The following LTBP1 variants were observed in gnomAD, a reference collection of about 807,000 sequenced individuals.
The protein encoded by LTBP1 is latent-transforming growth factor beta-binding protein 1.
LTBP1 carries 129 observed loss-of-function variants against 207.6 expected under a neutral mutation model. The ratio of observed to expected loss-of-function variants is 0.62; its 90% CI spans 0.54 to 0.72. The LOEUF (loss-of-function observed/expected upper bound fraction) is 0.72. Ranked by LOEUF, LTBP1 falls within the 30% of genes least tolerant of loss-of-function variation. LTBP1 has a pLI of 0.00. For missense variants in LTBP1, 2,281 were observed against 2,217.2 expected (o/e 1.03, Z -0.58); for synonymous variants, 963 against 833.7 (o/e 1.16, Z -2.67).
Position 33,367,418 on chromosome 2 carries a change from T to G in LTBP1, c.4711+1915T>G, listed in dbSNP as rs562704060. The stretch of plus-strand genomic sequence containing the variant: ...CTTACCTGCAAGTATTCCATAGTGG[T>G]AAATAAAGTCTGTGTTTTTTGTGTA... On this transcript the variant is annotated intron_variant, in intron 31 of 33. Transcript: ENST00000404816. 1.3e-4 allele frequency among the ~76,000 whole-genome samples: 20 copies of G among 152,258 alleles called. No individual in the cohort carries two copies. The East Asian group carries it at 1.9e-3, about 15-fold the overall frequency.
chr2:33,393,339 C>T (rs180867082), intron 32 of LTBP1, among the ~76,000 whole-genome samples: 100 of 146,378 alleles, frequency 6.8e-4, no homozygotes, highest in African/African-American at 2.4e-3. Flanking sequence ...ATGTGCACAA[C>T]GTGCAGTTTT....
rs1351758528 is a variant in LTBP1, at chr2:33,134,474, T to G, written c.1034-319T>G. On this transcript the variant is annotated intron_variant, in intron 4 of 33. Coordinates refer to ENST00000404816, the MANE Select transcript of LTBP1 (RefSeq NM_206943.4). The surrounding 1 kb of genome is among the most constrained non-coding windows in gnomAD (Gnocchi z 4.4). The stretch of plus-strand genomic sequence containing the variant: ...TCTGTCGTGCCCTCGGTATTGCTCT[T>G]TGTCTGCCCGTGAATAAAGTGCAGC... 1 of 1,150,606 alleles carries G rather than the reference T, an allele frequency of 8.7e-7. No individual in the cohort carries two copies. Among genetic ancestry groups the G allele is most frequent in the East Asian group, 3.6e-5 (1 of 27,810 alleles). The allele number at this position is 1,150,606 out of a possible 1,614,324, so 71.3% of individuals were successfully genotyped here.
intron 3 of LTBP1, chr2:33,056,282 TC>T: frequency 1.6e-6 from 1 of 628,068 alleles, no homozygotes; most frequent in Non-Finnish European, 2.5e-6. Flanking sequence ...CCTGAGTGTT[TC>T]CCATCTGAAA....
At chr2:33,261,971 G>T (rs976340964) in intron 13 of LTBP1, among the ~76,000 whole-genome samples, 1 of 152,202 alleles carries the variant, frequency 6.6e-6, no homozygotes, top group Non-Finnish European at 1.5e-5. Flanking sequence ...GTCACATCTG[G>T]TGTGAGTGAA....
intron 4 of LTBP1, among the ~76,000 whole-genome samples, chr2:33,114,740 T>A (rs968555559): frequency 6.6e-6 from 1 of 152,178 alleles, no homozygotes; most frequent in African/African-American, 2.4e-5. Context: ...TCCTGGTTGC[T>A]TATAGAAAAC....
At chr2:32,955,093 G>A (rs1280562778) in intron 2 of LTBP1, among the ~76,000 whole-genome samples, 1 of 152,224 alleles carries the variant, frequency 6.6e-6, no homozygotes, top group Non-Finnish European at 1.5e-5. Context: ...TTTTTAACAA[G>A]CATCCCAAAT....
chr2:33,383,916 C>T (rs1234350023), intron 31 of LTBP1, among the ~76,000 whole-genome samples: 1 of 152,212 alleles, frequency 6.6e-6, no homozygotes, highest in Non-Finnish European at 1.5e-5. Flanking sequence ...AACTTCAGAG[C>T]GTTGCATTTT....
At chr2:33,395,502 T>G (rs2095350683) in intron 32 of LTBP1, among the ~76,000 whole-genome samples, 3 of 152,320 alleles carry the variant, frequency 2.0e-5, no homozygotes, top group South Asian at 2.1e-4. Context: ...TGTATATTTT[T>G]CGGTCATCTC....
At chr2:33,269,968 T>C (rs2093278985) in intron 15 of LTBP1, among the ~76,000 whole-genome samples, 1 of 130,236 alleles carries the variant, frequency 7.7e-6, no homozygotes, top group African/African-American at 3.0e-5. Flanking sequence ...TATTCAACTT[T>C]TTTTTTTTTT....
intron 5 of LTBP1, among the ~76,000 whole-genome samples, chr2:33,154,666 A>G (rs962223155): frequency 1.3e-5 from 2 of 152,356 alleles, no homozygotes; most frequent in South Asian, 4.1e-4. Flanking sequence ...GTCTTAGTAT[A>G]CATTTGTGAA....
intron 23 of LTBP1, among the ~76,000 whole-genome samples, chr2:33,312,306 T>G (rs568973445): frequency 2.4e-4 from 36 of 152,356 alleles, no homozygotes; most frequent in African/African-American, 8.4e-4. Context: ...TTACCTAATG[T>G]TCTGAAAATA....
intron 24 of LTBP1, among the ~76,000 whole-genome samples, chr2:33,341,519 G>A (rs945434872): frequency 6.6e-6 from 1 of 151,704 alleles, no homozygotes; most frequent in Non-Finnish European, 1.5e-5. Context: ...AGACCATCCT[G>A]GCTAACATGG....
chr2:33,147,025 A>G (rs2083109752), intron 5 of LTBP1, among the ~76,000 whole-genome samples: 1 of 152,244 alleles, frequency 6.6e-6, no homozygotes, highest in South Asian at 2.1e-4. Context: ...TCACCTGTGT[A>G]AAAATGTTTA....
At chr2:33,297,566 G>C (rs1233695115) in intron 20 of LTBP1, among the ~76,000 whole-genome samples, 1 of 151,856 alleles carries the variant, frequency 6.6e-6, no homozygotes, top group African/African-American at 2.4e-5. Flanking sequence ...TGGGCAGCTG[G>C]GACTACAGGC....
chr2:33,166,408 G>A (rs916160480), intron 5 of LTBP1, among the ~76,000 whole-genome samples: 1 of 152,196 alleles, frequency 6.6e-6, no homozygotes, highest in Non-Finnish European at 1.5e-5. Context: ...AGAATTGCCA[G>A]AAGGATTTAG....
chr2:33,023,907 T>G (rs1394975280), intron 3 of LTBP1, among the ~76,000 whole-genome samples: 1 of 152,234 alleles, frequency 6.6e-6, no homozygotes, highest in Non-Finnish European at 1.5e-5. Flanking sequence ...TAAGTTATCT[T>G]TCAGATTGCC....
chr2:33,158,137 C>CAAA (rs1160108504), intron 5 of LTBP1, among the ~76,000 whole-genome samples: 10 of 46,744 alleles, frequency 2.1e-4, no homozygotes, highest in African/African-American at 2.6e-4. Context: ...ACTCTTGTCT[C>CAAA]AAAAAAAAAA....
At chr2:33,282,852 C>T (rs1469028324) in intron 19 of LTBP1, among the ~76,000 whole-genome samples, 2 of 152,042 alleles carry the variant, frequency 1.3e-5, no homozygotes, top group African/African-American at 4.8e-5. Flanking sequence ...ATCATGAGGT[C>T]AAGAGATCGA....
At chr2:33,232,107 A>G (rs549365561) in intron 9 of LTBP1, among the ~76,000 whole-genome samples, 4 of 152,218 alleles carry the variant, frequency 2.6e-5, no homozygotes, top group African/African-American at 9.6e-5. Context: ...CATGAGGGGT[A>G]AGGGGGGATT....
Sources: gnomAD v4.1 joint callset for allele counts (sites outside exome capture counted in the v4.1 genomes callset) on GRCh38, gnomAD v4.1.1 for gene constraint, Gnocchi (gnomAD v3.1) non-coding constraint, MANE v1.5 for transcripts, NCBI Gene and HGNC (gene_info 2026-07-23, HGNC 2026-07-21) for gene names.